The following GABRB1 variants were observed in gnomAD, a reference collection of about 807,000 sequenced individuals.
GABRB1 encodes gamma-aminobutyric acid receptor subunit beta-1.
GABRB1 carries 17 observed loss-of-function variants against 51.6 expected under a neutral mutation model. That is an observed-to-expected ratio of 0.33 (90% confidence interval 0.23 to 0.49). The LOEUF (loss-of-function observed/expected upper bound fraction) is 0.49. Among genes scored for constraint, GABRB1 ranks in the 20% least tolerant of loss-of-function variants. The pLI, the probability that GABRB1 is intolerant of heterozygous loss-of-function variation, is 0.99. For missense variants in GABRB1, 410 were observed against 600.6 expected, an observed-to-expected ratio of 0.68 and a Z score of 3.32; for synonymous variants, 247 against 218.9, an observed-to-expected ratio of 1.13 and a Z score of -1.14.
intron 4 of GABRB1, among the ~76,000 whole-genome samples, chr4:47,319,748 G>C (rs1188309122): frequency 2.0e-5 from 3 of 152,158 alleles, no homozygotes; most frequent in African/African-American, 7.2e-5. Context: ...TACAGTTTAA[G>C]AAAGGTTAAT....
intron 5 of GABRB1, among the ~76,000 whole-genome samples, chr4:47,320,466 GCCT>G (rs1456290217): frequency 6.6e-6 from 1 of 152,118 alleles, no homozygotes; most frequent in Non-Finnish European, 1.5e-5. Flanking sequence ...TTCTCCCAAA[GCCT>G]TCCAATATCC....
chr4:47,342,030 TC>T (rs1217488748), intron 5 of GABRB1, among the ~76,000 whole-genome samples: 3 of 152,168 alleles, frequency 2.0e-5, no homozygotes, highest in African/African-American at 7.2e-5. Flanking sequence ...AGCATTGAGG[TC>T]AAACTCACAC....
chr4:47,013,172 T>G (rs1229229295), intron 1 of GABRB1, among the ~76,000 whole-genome samples: 3 of 151,016 alleles, frequency 2.0e-5, no homozygotes, highest in African/African-American at 7.3e-5. Flanking sequence ...TGTAAGGCTA[T>G]TCTTATCTTT....
At chr4:47,334,838 C>T (rs893793307) in intron 5 of GABRB1, among the ~76,000 whole-genome samples, 2 of 152,124 alleles carry the variant, frequency 1.3e-5, no homozygotes, top group African/African-American at 2.4e-5. Context: ...GATTCAAGGT[C>T]ATAATTGTGG....
chr4:47,036,949 T>G (rs1452676038), intron 3 of GABRB1, among the ~76,000 whole-genome samples: 1 of 152,098 alleles, frequency 6.6e-6, no homozygotes. Context: ...TTTAGGAATG[T>G]TATTATTTAA....
At chr4:47,276,291 T>C (rs937575565) in intron 4 of GABRB1, among the ~76,000 whole-genome samples, 1 of 152,152 alleles carries the variant, frequency 6.6e-6, no homozygotes, top group African/African-American at 2.4e-5. Context: ...TATTTGGTTG[T>C]CATAATATAT....
chr4:47,310,696 A>G (rs181982940), intron 4 of GABRB1, among the ~76,000 whole-genome samples: 1 of 152,240 alleles, frequency 6.6e-6, no homozygotes, highest in East Asian at 1.9e-4. Flanking sequence ...TAATTTTCTT[A>G]TCTTTGATAT....
At chr4:47,154,835 T>G (rs930671165) in intron 3 of GABRB1, among the ~76,000 whole-genome samples, 1 of 152,092 alleles carries the variant, frequency 6.6e-6, no homozygotes, top group African/African-American at 2.4e-5. Context: ...TTCTGCATTT[T>G]TCTCCATTTT....
intron 4 of GABRB1, among the ~76,000 whole-genome samples, chr4:47,195,333 C>T (rs951397748): frequency 4.6e-5 from 7 of 151,680 alleles, no homozygotes; most frequent in Non-Finnish European, 8.8e-5. Flanking sequence ...TGCCACTGCA[C>T]TCCAGCCTGG....
chr4:47,294,164 C>T (rs1213588831), intron 4 of GABRB1, among the ~76,000 whole-genome samples: 2 of 152,164 alleles, frequency 1.3e-5, no homozygotes, highest in African/African-American at 4.8e-5. Context: ...TTCTACAGCT[C>T]CCAGCATGAG....
chr4:47,174,122 T>C (rs923494478), intron 4 of GABRB1, among the ~76,000 whole-genome samples: 1 of 152,132 alleles, frequency 6.6e-6, no homozygotes, highest in African/African-American at 2.4e-5. Context: ...TGGAGTTCAG[T>C]GGTGCAATCA....
chr4:47,370,150 G>T (rs2110017644), intron 5 of GABRB1, among the ~76,000 whole-genome samples: 1 of 152,182 alleles, frequency 6.6e-6, no homozygotes, highest in Middle Eastern at 3.4e-3. Context: ...TACAAAAACG[G>T]CTGTTTATAA....
At chr4:47,083,159 G>A (rs1727923205) in intron 3 of GABRB1, among the ~76,000 whole-genome samples, 1 of 152,078 alleles carries the variant, frequency 6.6e-6, no homozygotes. Context: ...CACAACATTG[G>A]ATAAATTTAG....
intron 1 of GABRB1, among the ~76,000 whole-genome samples, chr4:46,994,735 T>C (rs1200871766): frequency 6.6e-6 from 1 of 152,172 alleles, no homozygotes; most frequent in Non-Finnish European, 1.5e-5. Flanking sequence ...AAATTAGTAA[T>C]GATGCATGTG....
At chr4:47,141,037 A>G (rs1239799638) in intron 3 of GABRB1, among the ~76,000 whole-genome samples, 1 of 151,924 alleles carries the variant, frequency 6.6e-6, no homozygotes, top group Non-Finnish European at 1.5e-5. Context: ...ACATTTCAGT[A>G]CAAAACTAAT....
intron 4 of GABRB1, among the ~76,000 whole-genome samples, chr4:47,308,679 G>C (rs186755595): frequency 6.6e-6 from 1 of 152,158 alleles, no homozygotes; most frequent in African/African-American, 2.4e-5. Flanking sequence ...AAACCAAAAA[G>C]GTAGTAACTG....
rs563569813 is a variant in GABRB1 at position 47,145,958 on chromosome 4, G to A, written c.241-15291G>A. ...CTTTTTTTTCTTCTTAAAACTCTCCGTTTTATTTCTATACAAGGTGTCTCT... is the reference window on the plus strand; with the variant it reads ...CTTTTTTTTCTTCTTAAAACTCTCCATTTTATTTCTATACAAGGTGTCTCT... On this transcript the variant is annotated intron_variant, in intron 3 of 8. Coordinates refer to ENST00000295454, the MANE Select transcript of GABRB1 (RefSeq NM_000812.4). Among the ~76,000 whole-genome samples the A allele has an allele frequency of 4.6e-5, 7 of 151,962 alleles. No homozygotes were observed. In the South Asian group the frequency reaches 1.2e-3, roughly 27 times the overall value.
At chr4:47,244,657 G>T (rs1024105757) in intron 4 of GABRB1, among the ~76,000 whole-genome samples, 1 of 151,912 alleles carries the variant, frequency 6.6e-6, no homozygotes, top group South Asian at 2.1e-4. Context: ...CTAGACCACA[G>T]TGCAATCAAA....
rs1050707150 is a variant in GABRB1, at chr4:47,377,570, T to C, written c.545-25748T>C. 5.3e-5 allele frequency among the ~76,000 whole-genome samples: 8 copies of C among 152,068 alleles called. No homozygotes were observed. The East Asian group carries it at 1.5e-3, about 29-fold the overall frequency. On this transcript the variant is annotated intron_variant, in intron 5 of 8. Transcript: ENST00000295454. ...GCAAAAGAACAAAGCTTCCATAGTC[T>C]GGAAGGGGACCCAAGCGGGTTGCCA...
Sources: gnomAD v4.1 joint callset for allele counts (sites outside exome capture counted in the v4.1 genomes callset) on GRCh38, gnomAD v4.1.1 for gene constraint, MANE v1.5 for transcripts, NCBI Gene and HGNC (gene_info 2026-07-23, HGNC 2026-07-21) for gene names.